Variants in SPATA22 observed in about 807,000 individuals in gnomAD.
SPATA22 encodes spermatogenesis-associated protein 22.
In SPATA22, 29 loss-of-function variants were observed where a neutral mutation model predicts 47.8. The observed-to-expected ratio is 0.61, with a 90% CI of 0.45 to 0.83. SPATA22 has a LOEUF of 0.83. Ranked by LOEUF, SPATA22 falls within the 40% of genes least tolerant of loss-of-function variation. The pLI is 0.00. For synonymous variants in SPATA22, 133 were observed against 140.9 expected, an observed-to-expected ratio of 0.94 and a Z score of 0.40; for missense variants, 410 against 421.7, an observed-to-expected ratio of 0.97 and a Z score of 0.24.
chr17:3,483,633 TC>T, intron 1 of SPATA22: 1 of 1,514,634 alleles, frequency 6.6e-7, no homozygotes, highest in Non-Finnish European at 9.2e-7. Flanking sequence ...ATAAAATATG[TC>T]CTAGCTGAAA....
chr17:3,505,831 C>A (rs9908618), intron 1 of SPATA22, among the ~76,000 whole-genome samples: 5,962 of 150,734 alleles, frequency 0.04, 309 homozygotes, highest in East Asian at 0.28. Context: ...GATCTCCGCT[C>A]ACTGTAGCCT....
At chr17:3,457,511 T>G (rs1035625048) in intron 5 of SPATA22, among the ~76,000 whole-genome samples, 1 of 89,554 alleles carries the variant, frequency 1.1e-5, no homozygotes, top group Non-Finnish European at 2.3e-5. Context: ...CACAAAAGAC[T>G]CTGAATAGCC....
chr17:3,500,710 T>C (rs2073979581), intron 1 of SPATA22: 1 of 151,586 alleles, frequency 6.6e-6, no homozygotes, highest in African/African-American at 2.4e-5. Context: ...TTCACTCTGC[T>C]AGCCAGGATG....
intron 5 of SPATA22, among the ~76,000 whole-genome samples, chr17:3,462,201 A>G (rs1239643413): frequency 6.6e-6 from 1 of 152,252 alleles, no homozygotes; most frequent in East Asian, 1.9e-4. Flanking sequence ...AAGCAAAATC[A>G]TAAATTCATA....
In SPATA22 at chr17:3,462,541, G is replaced by A. The variant is rs1373328891; in HGVS notation, c.271C>T (p.Gln91Ter). The A allele has an allele frequency of 6.2e-7, 1 of 1,613,386 alleles. No homozygotes were observed. Among genetic ancestry groups the A allele is most frequent in the Admixed American group, 1.7e-5 (1 of 59,944 alleles). The change falls in exon 5 of 9, where the codon CAA (glutamine) becomes TAA (stop). Residue 91 changes from glutamine to a stop codon, truncating the protein, a stop_gained. Transcript: ENST00000572969. LOFTEE classifies it high-confidence loss of function. ...TGAATAGAGTTAAAGACAGAATCTT[G>A]ACTTCTCAGAGGACGAGAAACTGAA... ...PHSVSRPLRS[Q>*]DSVFNSIQSN... is the part of the protein sequence containing the mutation.
rs751077638 is a variant in SPATA22, at chr17:3,469,353, T to C, written c.-28A>G. ...CCTTCAATATCAAAATCTATAATTT[T>C]CTATTCAGCATTCCAAATTTATAAT... On this transcript the variant is annotated 5_prime_UTR_variant, in exon 2 of 9. Transcript: ENST00000572969. The C allele has an allele frequency of 2.0e-6, 3 of 1,532,656 alleles. No homozygotes were observed. In the Admixed American group the frequency reaches 5.8e-5, roughly 30 times the overall value. The allele number at this position is 1,532,656 out of a possible 1,614,324, so 94.9% of individuals were successfully genotyped here.
intron 3 of SPATA22, among the ~76,000 whole-genome samples, chr17:3,464,539 G>A (rs1462010282): frequency 7.4e-6 from 1 of 134,824 alleles, no homozygotes; most frequent in Admixed American, 7.3e-5. Flanking sequence ...AGTGAGAAGC[G>A]CCTCTTCCCG....
chr17:3,470,315 G>C (rs1019331175), intron 1 of SPATA22, among the ~76,000 whole-genome samples: 1 of 152,112 alleles, frequency 6.6e-6, no homozygotes, highest in African/African-American at 2.4e-5. Context: ...TGCAAGAAGA[G>C]GCAAGATACA....
chr17:3,486,794 T>C (rs1012974173), intron 1 of SPATA22, among the ~76,000 whole-genome samples: 4 of 152,258 alleles, frequency 2.6e-5, no homozygotes, highest in Admixed American at 6.5e-5. Flanking sequence ...GTGATACTTT[T>C]GTGCATAATA....
rs577203997 is a variant in SPATA22 at position 3,463,815 on chromosome 17, A to G, written c.173-1048T>C. Among the ~76,000 whole-genome samples the G allele has an allele frequency of 1.5e-4, 23 of 152,120 alleles. No individual in the cohort carries two copies. The South Asian group carries it at 4.4e-3, about 29-fold the overall frequency. ...TATGCAGTGCATGGCTGTATTTTCTATTCTACTCTATTCTCTTCTATTTCT... is the reference window on the plus strand; with the variant it reads ...TATGCAGTGCATGGCTGTATTTTCTGTTCTACTCTATTCTCTTCTATTTCT... On this transcript the variant is annotated intron_variant, in intron 3 of 8. Coordinates refer to ENST00000572969, the MANE Select transcript of SPATA22 (RefSeq NM_001170698.2).
chr17:3,448,781 T>C (rs1230269962), intron 6 of SPATA22, 26 bp downstream of exon 6: 3 of 1,497,776 alleles, frequency 2.0e-6, no homozygotes, highest in Non-Finnish European at 2.7e-6. Flanking sequence ...TGTAAATAAG[T>C]CATTAATTTG....
At chr17:3,492,775 C>T (rs1369802500) in intron 1 of SPATA22, among the ~76,000 whole-genome samples, 3 of 152,150 alleles carry the variant, frequency 2.0e-5, no homozygotes, top group African/African-American at 4.8e-5. Context: ...TCAGACATAA[C>T]AGTAAGGCCA....
chr17:3,491,509 G>A (rs2073823396), intron 1 of SPATA22, among the ~76,000 whole-genome samples: 1 of 152,154 alleles, frequency 6.6e-6, no homozygotes, highest in Non-Finnish European at 1.5e-5. Flanking sequence ...CACTTTGGGA[G>A]GCTGAGGCAG....
intron 1 of SPATA22, among the ~76,000 whole-genome samples, chr17:3,478,154 C>G (rs2073563727): frequency 6.6e-6 from 1 of 151,946 alleles, no homozygotes; most frequent in African/African-American, 2.4e-5. Flanking sequence ...CACTGCACTC[C>G]AGCCTGGGTG....
chr17:3,498,791 C>T, intron 1 of SPATA22: 1 of 1,173,262 alleles, frequency 8.5e-7, no homozygotes. Flanking sequence ...TCTTTTAAAA[C>T]AACAGAATAC....
At chr17:3,443,929 ACAAT>A (rs775071686) in intron 7 of SPATA22, among the ~76,000 whole-genome samples, 1 of 151,948 alleles carries the variant, frequency 6.6e-6, no homozygotes, top group Non-Finnish European at 1.5e-5. Context: ...AATATACAAT[ACAAT>A]AATATTAACT....
In SPATA22 at chr17:3,490,226, T is replaced by C. The variant is rs544300771; in HGVS notation, c.-73-20828A>G. On this transcript the variant is annotated intron_variant, in intron 1 of 8. Coordinates refer to the SPATA22 transcript ENST00000541913. This position sits in a 1 kb window ranked among gnomAD's most constrained non-coding sequence, Gnocchi z 4.6. ...TCTTAATTATATTCAATAAGAATAA[T>C]GTATTTATGTATTATTTCTGTAATT... 1.3e-5 allele frequency among the ~76,000 whole-genome samples: 2 copies of C among 152,280 alleles called. No homozygotes were observed. The highest frequency in any genetic ancestry group is 3.9e-4 in the East Asian group (2 of 5,194).
intron 1 of SPATA22, among the ~76,000 whole-genome samples, chr17:3,509,712 C>T (rs1034356709): frequency 3.9e-5 from 6 of 152,204 alleles, no homozygotes; most frequent in African/African-American, 1.4e-4. Context: ...AATGGTATTT[C>T]TGGTTGTGGA....
upstream of SPATA22, chr17:3,476,176 T>G (rs1365035295): frequency 1.2e-6 from 2 of 1,613,964 alleles, no homozygotes; most frequent in Admixed American, 3.3e-5. Flanking sequence ...TCTTGTCACA[T>G]TGCTGAAGAA....
Sources: gnomAD v4.1 joint callset for allele counts (sites outside exome capture counted in the v4.1 genomes callset) on GRCh38, gnomAD v4.1.1 for gene constraint, Gnocchi (gnomAD v3.1) non-coding constraint, MANE v1.5 for transcripts, NCBI Gene and HGNC (gene_info 2026-07-23, HGNC 2026-07-21) for gene names.